POLR3B: variants seen among roughly 807,000 people sequenced by gnomAD.
The protein encoded by POLR3B is DNA-directed RNA polymerase III subunit RPC2.
Under a neutral mutation model 147.4 loss-of-function variants are expected in POLR3B, and 96 were observed. The observed-to-expected ratio is 0.65, with a 90% CI of 0.55 to 0.77. The LOEUF is 0.77. Among genes scored for constraint, POLR3B ranks in the 30% least tolerant of loss-of-function variants. The pLI is 0.00. For missense variants in POLR3B, 1,036 were observed against 1,413.5 expected (o/e 0.73, Z 4.28); for synonymous variants, 461 against 485.9 (o/e 0.95, Z 0.67).
At chr12:106,392,402 A>G (rs1412984265) in intron 9 of POLR3B, among the ~76,000 whole-genome samples, 3 of 152,142 alleles carry the variant, frequency 2.0e-5, no homozygotes, top group African/African-American at 7.2e-5. Flanking sequence ...ACCTCAGGTG[A>G]TCCACCTGCC....
intron 12 of POLR3B, among the ~76,000 whole-genome samples, chr12:106,423,433 C>T (rs2037396724): frequency 6.6e-6 from 1 of 152,050 alleles, no homozygotes; most frequent in African/African-American, 2.4e-5. Context: ...ACAGAGAAGT[C>T]CCACAATGTG....
chr12:106,498,501 T>G (rs2038535448), intron 25 of POLR3B, among the ~76,000 whole-genome samples: 2 of 152,220 alleles, frequency 1.3e-5, no homozygotes, highest in African/African-American at 4.8e-5. Context: ...CAGATAAAAC[T>G]CCAGGACCTA....
At chr12:106,478,999 A>T (rs936057907) in intron 23 of POLR3B, among the ~76,000 whole-genome samples, 4 of 151,306 alleles carry the variant, frequency 2.6e-5, no homozygotes, top group South Asian at 2.1e-4. Context: ...CCTCCCTCCT[A>T]CTTTATTCCT....
chr12:106,498,367 T>C (rs1041939106), intron 25 of POLR3B, among the ~76,000 whole-genome samples: 4 of 152,190 alleles, frequency 2.6e-5, no homozygotes, highest in African/African-American at 9.7e-5. Flanking sequence ...GGAGCTTGTG[T>C]TAACCTGTGA....
chr12:106,465,851 C>G (rs1298890988), intron 23 of POLR3B, among the ~76,000 whole-genome samples: 2 of 152,162 alleles, frequency 1.3e-5, no homozygotes, highest in African/African-American at 4.8e-5. Flanking sequence ...TTTTCTTAAC[C>G]CAGTCTATCA....
chr12:106,485,387 CA>C (rs1236116443), intron 23 of POLR3B, among the ~76,000 whole-genome samples: 3 of 152,028 alleles, frequency 2.0e-5, no homozygotes, highest in Non-Finnish European at 4.4e-5. Context: ...TGAATATAAG[CA>C]AAGGAGTGAC....
chr12:106,432,630 G>A, intron 15 of POLR3B, 150 bp downstream of exon 15: 1 of 742,246 alleles, frequency 1.3e-6, no homozygotes, highest in Non-Finnish European at 2.4e-6. Context: ...AATGATAACA[G>A]AAACAGTTAC....
intron 11 of POLR3B, among the ~76,000 whole-genome samples, chr12:106,409,606 C>T (rs2037196980): frequency 6.6e-6 from 1 of 150,550 alleles, no homozygotes; most frequent in Non-Finnish European, 1.5e-5. Flanking sequence ...AGAATTCTAA[C>T]ATCCTACATT....
At chr12:106,386,766 G>A (rs2036845236) in intron 9 of POLR3B, among the ~76,000 whole-genome samples, 2 of 152,012 alleles carry the variant, frequency 1.3e-5, no homozygotes, top group Admixed American at 6.6e-5. Flanking sequence ...AATTAGCTGG[G>A]CATGGTGGCA....
intron 27 of POLR3B, among the ~76,000 whole-genome samples, chr12:106,506,199 G>GA (rs896038792): frequency 3.8e-4 from 57 of 151,664 alleles, no homozygotes; most frequent in Middle Eastern, 3.4e-3. Context: ...CAACCAAAAA[G>GA]AAAAAAAAGA....
At chr12:106,397,309 A>C (rs1253689939) in intron 10 of POLR3B, among the ~76,000 whole-genome samples, 3 of 152,168 alleles carry the variant, frequency 2.0e-5, no homozygotes, top group African/African-American at 4.8e-5. Context: ...ATTTTAAGTA[A>C]ATTTATGTAC....
chr12:106,488,831 A>G (rs2038374616), intron 23 of POLR3B, among the ~76,000 whole-genome samples: 1 of 152,200 alleles, frequency 6.6e-6, no homozygotes, highest in Admixed American at 6.5e-5. Context: ...TGCATTTATT[A>G]GAAGATTAAC....
In POLR3B at chr12:106,432,301, C is replaced by G. The variant is rs1165128574; in HGVS notation, c.1465-17C>G. On this transcript the variant is annotated splice_polypyrimidine_tract_variant and intron_variant, in intron 14 of 27. Coordinates refer to ENST00000228347, the MANE Select transcript of POLR3B (RefSeq NM_018082.6). ...ACTAATGTTCATTCTTAGAAATGAC[C>G]ATCTTTTGTTTTTTAGGCATGTGGT... 1 of 1,610,666 alleles carries G rather than the reference C, an allele frequency of 6.2e-7. No homozygotes were observed. The highest frequency in any genetic ancestry group is 2.2e-5 in the East Asian group (1 of 44,808).
intron 6 of POLR3B, among the ~76,000 whole-genome samples, chr12:106,371,173 A>C (rs969197824): frequency 2.0e-5 from 3 of 152,342 alleles, no homozygotes; most frequent in African/African-American, 7.2e-5. Context: ...ATGCAGCCAA[A>C]AAACACATGA....
intron 6 of POLR3B, among the ~76,000 whole-genome samples, chr12:106,374,811 T>C (rs11112957): frequency 0.38 from 58,073 of 152,146 alleles, 12,868 homozygotes; most frequent in African/African-American, 0.61. Context: ...CCACCGCACC[T>C]GGCCTCCTTG....
Position 106,497,971 on chromosome 12 carries a change from G to T in POLR3B, c.2984+1053G>T, listed in dbSNP as rs556642352. Among the ~76,000 whole-genome samples the T allele has an allele frequency of 3.9e-5, 6 of 152,274 alleles. No individual in the cohort carries two copies. The South Asian group carries it at 1.2e-3, about 32-fold the overall frequency. On this transcript the variant is annotated intron_variant, in intron 25 of 27. Transcript: ENST00000228347. ...TGTAACCTCCATGAAAGCAGGGCTG[G>T]TCTGTTTTGTTTACTGTTCTATTTC...
At chr12:106,385,189 T>C (rs2136908061) in intron 9 of POLR3B, among the ~76,000 whole-genome samples, 1 of 152,324 alleles carries the variant, frequency 6.6e-6, no homozygotes, top group African/African-American at 2.4e-5. Flanking sequence ...GAAAATGTTG[T>C]GACCATAGGC....
intron 23 of POLR3B, among the ~76,000 whole-genome samples, chr12:106,482,626 C>G (rs2137059701): frequency 6.6e-6 from 1 of 152,282 alleles, no homozygotes; most frequent in Non-Finnish European, 1.5e-5. Context: ...CCACCAGGTT[C>G]TTCCTCCAAC....
rs372366238 is a variant in POLR3B, at chr12:106,419,639, G to A, written c.1102-7558G>A. On this transcript the variant is annotated intron_variant, in intron 12 of 27. Transcript: ENST00000228347. ...TTAACTTAGATCACAAATATATTGA[G>A]CTTTTTTCTTCCACTGCAAAGAAAA... is the stretch of plus-strand genomic sequence containing the variant. Among the ~76,000 whole-genome samples the A allele has an allele frequency of 2.4e-4, 37 of 151,832 alleles. No homozygotes were observed. The South Asian group carries it at 7.5e-3, about 31-fold the overall frequency.
Sources: allele counts gnomAD v4.1 joint callset (sites outside exome capture counted in the v4.1 genomes callset), GRCh38; gene constraint gnomAD v4.1.1; transcripts MANE v1.5; gene names NCBI Gene and HGNC (gene_info 2026-07-23, HGNC 2026-07-21).